The following SCAND3 variants were observed in gnomAD, a reference collection of about 807,000 sequenced individuals.
SCAND3 encodes the protein SCAN domain containing 3.
the SCAND3 span, chr6:28,590,362 G>A: frequency 2.0e-5 from 3 of 152,272 alleles, no homozygotes; most frequent in South Asian, 6.2e-4. Flanking sequence ...GGAGCTGAAG[G>A]TCAAGAACAG....
chr6:28,586,609 C>G, the SCAND3 span: 2 of 1,614,188 alleles, frequency 1.2e-6, no homozygotes, highest in South Asian at 2.2e-5. The surrounding 1 kb of genome is among the most constrained non-coding windows in gnomAD (Gnocchi z 4.4). Flanking sequence ...AGGGCTGATT[C>G]CTGATCCCAA....
the SCAND3 span, among the ~76,000 whole-genome samples, chr6:28,604,602 C>T: frequency 0.02 from 2,791 of 139,626 alleles, 32 homozygotes; most frequent in Admixed American, 0.033. Flanking sequence ...GCTGACCGAG[C>T]GAGACTCTGT....
At chr6:28,600,835 G>A in the SCAND3 span, among the ~76,000 whole-genome samples, 3 of 151,168 alleles carry the variant, frequency 2.0e-5, no homozygotes, top group Admixed American at 1.3e-4. Flanking sequence ...TAAAATTATG[G>A]TTTTGTTTGT....
chr6:28,585,675 G>T, the SCAND3 span, among the ~76,000 whole-genome samples: 3 of 152,140 alleles, frequency 2.0e-5, no homozygotes, highest in African/African-American at 4.8e-5. Flanking sequence ...TCAGATAAAT[G>T]TATGAATAGT....
At chr6:28,609,919 A>C in the SCAND3 span, among the ~76,000 whole-genome samples, 1 of 152,174 alleles carries the variant, frequency 6.6e-6, no homozygotes. Context: ...GGACAAACTG[A>C]CCTTCAAGAA....
chr6:28,604,636 T>G, the SCAND3 span, among the ~76,000 whole-genome samples: 2 of 151,554 alleles, frequency 1.3e-5, no homozygotes, highest in African/African-American at 4.9e-5. Flanking sequence ...AAAAAAAATT[T>G]AACTATTACA....
the SCAND3 span, among the ~76,000 whole-genome samples, chr6:28,613,677 A>G: frequency 6.6e-6 from 1 of 152,180 alleles, no homozygotes; most frequent in African/African-American, 2.4e-5. Flanking sequence ...AAAGTGTACA[A>G]AATGAGCTAA....
chr6:28,576,126 C>T, the SCAND3 span: 3 of 1,557,702 alleles, frequency 1.9e-6, no homozygotes, highest in Non-Finnish European at 2.6e-6. Context: ...TGGAAAACCA[C>T]AAAAATGACC....
At chr6:28,585,399 G>A in the SCAND3 span, 2 of 152,128 alleles carry the variant, frequency 1.3e-5, no homozygotes, top group Non-Finnish European at 2.9e-5. Flanking sequence ...AAGGATGTGG[G>A]GGCAAATGGG....
chr6:28,572,730 C>T, the SCAND3 span: 2 of 1,613,948 alleles, frequency 1.2e-6, no homozygotes, highest in African/African-American at 2.7e-5. The surrounding 1 kb of genome is among the most constrained non-coding windows in gnomAD (Gnocchi z 4.1). Flanking sequence ...CATGCAGTAA[C>T]AGTTGCTTAT....
the SCAND3 span, chr6:28,585,273 A>G: frequency 6.6e-6 from 1 of 152,212 alleles, no homozygotes. Context: ...GCACACTTCT[A>G]TGGCACTTGC....
At chr6:28,615,963 G>A in the SCAND3 span, 1 of 152,230 alleles carries the variant, frequency 6.6e-6, no homozygotes, top group African/African-American at 2.4e-5. Flanking sequence ...ATCTGGAGGG[G>A]CTAGATGTGG....
At chr6:28,572,058 A>T in the SCAND3 span, 1 of 1,614,070 alleles carries the variant, frequency 6.2e-7, no homozygotes, top group Non-Finnish European at 8.5e-7. This position sits in a 1 kb window ranked among gnomAD's most constrained non-coding sequence, Gnocchi z 4.1. Flanking sequence ...ATCCGGTCTC[A>T]CAGAGGTATG....
At chr6:28,585,648 T>C in the SCAND3 span, among the ~76,000 whole-genome samples, 1 of 152,220 alleles carries the variant, frequency 6.6e-6, no homozygotes, top group Admixed American at 6.5e-5. Flanking sequence ...CATAAAGGGT[T>C]CACATTCTGA....
At chr6:28,595,166 T>C in the SCAND3 span, among the ~76,000 whole-genome samples, 1 of 116,418 alleles carries the variant, frequency 8.6e-6, no homozygotes, top group Non-Finnish European at 1.6e-5. Flanking sequence ...GAGACCAGAT[T>C]GGGCAACATG....
chr6:28,575,254 A>G, the SCAND3 span: 1 of 1,614,020 alleles, frequency 6.2e-7, no homozygotes, highest in Non-Finnish European at 8.5e-7. This position sits in a 1 kb window ranked among gnomAD's most constrained non-coding sequence, Gnocchi z 4.2. Context: ...CATCCAGGAG[A>G]AAATCCTCTT....
the SCAND3 span, among the ~76,000 whole-genome samples, chr6:28,606,698 C>T: frequency 6.6e-6 from 1 of 152,246 alleles, no homozygotes; most frequent in South Asian, 2.1e-4. Context: ...CAAGAACGTT[C>T]CCTGCCATCA....
chr6:28,588,034 G>A, the SCAND3 span: 1 of 152,188 alleles, frequency 6.6e-6, no homozygotes, highest in African/African-American at 2.4e-5. This position sits in a 1 kb window ranked among gnomAD's most constrained non-coding sequence, Gnocchi z 4.1. Flanking sequence ...GTTTCCTTCT[G>A]CTGTGGTCCT....
At chr6:28,578,815 C>T in the SCAND3 span, among the ~76,000 whole-genome samples, 3 of 152,174 alleles carry the variant, frequency 2.0e-5, no homozygotes, top group African/African-American at 7.2e-5. Flanking sequence ...GACTCCACCT[C>T]TACTATACAT....
Sources: gnomAD v4.1 joint callset for allele counts (sites outside exome capture counted in the v4.1 genomes callset) on GRCh38, gnomAD v4.1.1 for gene constraint, Gnocchi (gnomAD v3.1) non-coding constraint, MANE v1.5 for transcripts, NCBI Gene and HGNC (gene_info 2026-07-23, HGNC 2026-07-21) for gene names.